DPP6: variants seen among roughly 807,000 people sequenced by gnomAD.
DPP6 encodes dipeptidyl peptidase like 6, also known as A-type potassium channel modulatory protein DPP6.
In DPP6, 69 loss-of-function variants were observed where a neutral mutation model predicts 122.6. The observed-to-expected ratio is 0.56, with a 90% CI of 0.46 to 0.69. The LOEUF (loss-of-function observed/expected upper bound fraction) is 0.69. DPP6 is among the 30% of genes least tolerant of loss of function. The pLI, the probability that DPP6 is intolerant of heterozygous loss-of-function variation, is 0.00. For missense variants in DPP6, 928 were observed against 1,116.9 expected (o/e 0.83, Z 2.41); for synonymous variants, 418 against 433.1 (o/e 0.97, Z 0.43).
At chr7:154,265,073 GTGATGA>G (rs138485883) in intron 1 of DPP6, among the ~76,000 whole-genome samples, 1 of 42 alleles carries the variant, frequency 0.024, no homozygotes, top group South Asian at 0.5. Context: ...GGTGTTAATG[GTGATGA>G]TGATGGTGAT....
the DPP6 span, among the ~76,000 whole-genome samples, chr7:153,871,599 C>A: frequency 3.9e-5 from 6 of 152,232 alleles, no homozygotes; most frequent in African/African-American, 1.4e-4. Flanking sequence ...CTTGCACTTC[C>A]TGGGTGAGGC....
intron 6 of DPP6, among the ~76,000 whole-genome samples, chr7:154,641,007 A>T (rs1836050741): frequency 6.6e-6 from 1 of 152,070 alleles, no homozygotes; most frequent in African/African-American, 2.4e-5. Flanking sequence ...AAATGGTCTA[A>T]TTAATGTTCT....
intron 1 of DPP6, among the ~76,000 whole-genome samples, chr7:153,926,025 C>G (rs192054366): frequency 7.2e-4 from 109 of 152,224 alleles, no homozygotes; most frequent in Middle Eastern, 3.4e-3. Flanking sequence ...TCCTCACACC[C>G]GTTAGGGAAC....
chr7:154,391,845 C>G (rs543908019), intron 1 of DPP6, among the ~76,000 whole-genome samples: 1 of 152,122 alleles, frequency 6.6e-6, no homozygotes, highest in Non-Finnish European at 1.5e-5. Context: ...CTTTAGGTCT[C>G]GGAGATCAGT....
rs1554515587 is a variant in DPP6 at position 154,313,712 on chromosome 7, T to TATATATATATATATGA, written c.244-132499_244-132498insTATATATATATGAATA. Among the ~76,000 whole-genome samples the TATATATATATATATGA allele has an allele frequency of 1.6e-4, 4 of 24,926 alleles. 1 individual carries two copies. The highest frequency in any genetic ancestry group is 3.2e-4 in the African/African-American group (3 of 9,462). The allele number at this position is 24,926 out of a possible 152,430, so 16.4% of individuals were successfully genotyped here. ...ATATATATATATATATATATATATA[T>TATATATATATATATGA]ATACACACACACGCACGCACACACA... On this transcript the variant is annotated intron_variant, in intron 1 of 25. Coordinates refer to ENST00000377770, the MANE Select transcript of DPP6 (RefSeq NM_130797.4).
At chr7:153,988,281 G>A (rs568533711) in intron 1 of DPP6, among the ~76,000 whole-genome samples, 3 of 152,216 alleles carry the variant, frequency 2.0e-5, no homozygotes, top group South Asian at 2.1e-4. Context: ...GGACCAGTCC[G>A]CGGAGCTCCG....
intron 12 of DPP6, among the ~76,000 whole-genome samples, chr7:154,799,152 A>G (rs1798207731): frequency 6.6e-6 from 1 of 152,168 alleles, no homozygotes; most frequent in African/African-American, 2.4e-5. Flanking sequence ...ACCCGGTGCA[A>G]GAACAGAGGT....
chr7:154,107,715 A>T (rs976168310), intron 1 of DPP6, among the ~76,000 whole-genome samples: 1 of 152,048 alleles, frequency 6.6e-6, no homozygotes, highest in Non-Finnish European at 1.5e-5. Flanking sequence ...AGTTTTAAAC[A>T]TTTTTTTTAA....
chr7:154,159,037 T>G (rs1796840974), intron 1 of DPP6, among the ~76,000 whole-genome samples: 1 of 152,008 alleles, frequency 6.6e-6, no homozygotes, highest in African/African-American at 2.4e-5. Context: ...AGAATCAACC[T>G]CCCATCTCGT....
At chr7:154,182,608 A>T (rs1798148461) in intron 1 of DPP6, among the ~76,000 whole-genome samples, 1 of 152,108 alleles carries the variant, frequency 6.6e-6, no homozygotes, top group South Asian at 2.1e-4. Context: ...TCACACACAG[A>T]TGTCAAGAGA....
chr7:154,313,685 G>GTGTATATATATATATATATATATA, intron 1 of DPP6, among the ~76,000 whole-genome samples: 2 of 20,468 alleles, frequency 9.8e-5, no homozygotes, highest in African/African-American at 1.3e-4. Context: ...TTAAGATATG[G>GTGTATATATATATATATATATATA]TATATATATA....
intron 3 of DPP6, among the ~76,000 whole-genome samples, chr7:154,503,761 C>T (rs143697627): frequency 1.3e-5 from 2 of 152,216 alleles, no homozygotes; most frequent in Admixed American, 1.3e-4. Flanking sequence ...GTTTTTGAGA[C>T]TTAAAGAATT....
chr7:154,835,769 C>G (rs1245197200), intron 16 of DPP6, among the ~76,000 whole-genome samples: 1 of 152,356 alleles, frequency 6.6e-6, no homozygotes, highest in Non-Finnish European at 1.5e-5. Flanking sequence ...CCAAGACACA[C>G]TTTTCCTATT....
intron 1 of DPP6, among the ~76,000 whole-genome samples, chr7:153,977,412 G>C (rs146421748): frequency 5.9e-5 from 9 of 152,330 alleles, no homozygotes; most frequent in African/African-American, 2.2e-4. Context: ...CTGGGCTTCA[G>C]TGGTCTTTCT....
At chr7:153,943,075 G>T (rs945427491) in intron 1 of DPP6, among the ~76,000 whole-genome samples, 1 of 152,046 alleles carries the variant, frequency 6.6e-6, no homozygotes, top group African/African-American at 2.4e-5. Flanking sequence ...TTCTGATTTT[G>T]TAAAAGCCTT....
At chr7:154,430,207 G>A (rs527494007) in intron 1 of DPP6, among the ~76,000 whole-genome samples, 2 of 152,328 alleles carry the variant, frequency 1.3e-5, no homozygotes, top group African/African-American at 2.4e-5. Context: ...TTCCCTGTGA[G>A]TAGACAGCAC....
At chr7:153,901,416 T>G (rs2128998514) in intron 1 of DPP6, among the ~76,000 whole-genome samples, 1 of 152,286 alleles carries the variant, frequency 6.6e-6, no homozygotes, top group African/African-American at 2.4e-5. Context: ...CGGATAAAGG[T>G]CGAAACCCTC....
chr7:154,592,686 A>T (rs1210813648), intron 5 of DPP6, among the ~76,000 whole-genome samples: 1 of 152,118 alleles, frequency 6.6e-6, no homozygotes, highest in East Asian at 1.9e-4. Flanking sequence ...AGGTCCTGTG[A>T]TCCGAGGAGG....
intron 1 of DPP6, among the ~76,000 whole-genome samples, chr7:154,062,362 T>G (rs1211629202): frequency 5.6e-5 from 1 of 17,946 alleles, no homozygotes; most frequent in Non-Finnish European, 1.0e-4. Flanking sequence ...GACTGAGAGC[T>G]ATCCCCTCTT....
Sources: allele counts gnomAD v4.1 joint callset (sites outside exome capture counted in the v4.1 genomes callset), GRCh38; gene constraint gnomAD v4.1.1; transcripts MANE v1.5; gene names NCBI Gene and HGNC (gene_info 2026-07-23, HGNC 2026-07-21).